STT3B: variants seen among roughly 807,000 people sequenced by gnomAD.
The protein encoded by STT3B is STT3 oligosaccharyltransferase complex catalytic subunit B, also known as dolichyl-diphosphooligosaccharide--protein glycosyltransferase subunit STT3B.
Under a neutral mutation model 96.8 loss-of-function variants are expected in STT3B, and 29 were observed. That is an observed-to-expected ratio of 0.30 (90% CI 0.22 to 0.41). The LOEUF is 0.41. STT3B is among the 10% of genes least tolerant of loss of function. STT3B has a pLI of 1.00. For synonymous variants in STT3B, 367 were observed against 360.0 expected (o/e 1.02, Z -0.22); for missense variants, 640 against 1,022.3 (o/e 0.63, Z 5.10).
At chr3:31,615,346 A>G (rs1361205981) in intron 6 of STT3B, 143 bp downstream of exon 6, 2 of 628,356 alleles carry the variant, frequency 3.2e-6, no homozygotes, top group African/African-American at 3.7e-5. Flanking sequence ...GGAAATCTGT[A>G]GATAAAAATT....
intron 5 of STT3B, among the ~76,000 whole-genome samples, chr3:31,611,294 T>A (rs1699174186): frequency 6.6e-6 from 1 of 152,196 alleles, no homozygotes; most frequent in Non-Finnish European, 1.5e-5. Flanking sequence ...TGGTTATTTG[T>A]TTACATCTCT....
At chr3:31,536,175 A>C (rs1189626597) in intron 1 of STT3B, among the ~76,000 whole-genome samples, 1 of 151,952 alleles carries the variant, frequency 6.6e-6, no homozygotes, top group African/African-American at 2.4e-5. Flanking sequence ...AAGGAGGGGG[A>C]TGTGTAGATT....
chr3:31,579,997 T>G lies in STT3B; in HGVS notation c.612T>G (p.Phe204Leu). ...GAGCAGGACTTTTAGCTGCTTGTTT[T>G]ATTGCTATTGTACCAGGCTACATAT... is the stretch of plus-strand genomic sequence containing the variant. ...NQGAGLLAAC[F>L]IAIVPGYISR... Residue 204 changes from phenylalanine to leucine, a missense_variant, in exon 3 of 16, where the codon TTT becomes TTG. Coordinates refer to ENST00000295770, the MANE Select transcript of STT3B (RefSeq NM_178862.3). 1 of 1,613,912 alleles carries G rather than the reference T, an allele frequency of 6.2e-7. No individual in the cohort carries two copies.
chr3:31,580,759 TGGA>T (rs1364768947), intron 3 of STT3B, among the ~76,000 whole-genome samples: 2 of 152,146 alleles, frequency 1.3e-5, no homozygotes, highest in Non-Finnish European at 2.9e-5. Flanking sequence ...CATGGAATTC[TGGA>T]GGAGAAGGTT....
In STT3B at chr3:31,532,933, C is replaced by T; in HGVS notation, c.-66C>T. 1.3e-6 allele frequency: 2 copies of T among 1,525,664 alleles called. No homozygotes were observed. The highest frequency in any genetic ancestry group is 1.8e-6 in the Non-Finnish European group (2 of 1,139,520). The allele number at this position is 1,525,664 out of a possible 1,614,324, so 94.5% of individuals were successfully genotyped here. A position where few individuals can be genotyped will look rare whatever the true frequency, so the allele number is the denominator to read the frequency against. ...TCCTCCTCCTCCTCCGGGTCCCCGC[C>T]CAGCACCCCTCGCACCAGGCGGCGG... is the stretch of plus-strand genomic sequence containing the variant. On this transcript the variant is annotated 5_prime_UTR_variant, in exon 1 of 16. Transcript: ENST00000295770.
intron 1 of STT3B, among the ~76,000 whole-genome samples, chr3:31,558,997 C>T (rs1697791503): frequency 6.7e-6 from 1 of 149,892 alleles, no homozygotes; most frequent in South Asian, 2.1e-4. Flanking sequence ...TTCTGTGGTA[C>T]TAATTTGTAG....
At chr3:31,598,401 C>G (rs1698842229) in intron 4 of STT3B, among the ~76,000 whole-genome samples, 1 of 150,046 alleles carries the variant, frequency 6.7e-6, no homozygotes, top group Admixed American at 6.6e-5. Context: ...GAACTTAGAA[C>G]AGAGAAATAA....
intron 14 of STT3B, among the ~76,000 whole-genome samples, chr3:31,631,743 C>A (rs1382420199): frequency 6.7e-6 from 1 of 150,102 alleles, no homozygotes; most frequent in Non-Finnish European, 1.5e-5. Flanking sequence ...CCCAGGAGTT[C>A]GAGACTAGCC....
rs1389905265 is a variant in STT3B, at chr3:31,587,230, T to G, written c.711+7134T>G. On this transcript the variant is annotated intron_variant, in intron 3 of 15. Coordinates refer to ENST00000295770, the MANE Select transcript of STT3B (RefSeq NM_178862.3). Reference sequence around the variant, plus strand: ...TTAGTATATTAACCAAGTTGTACCATTACCACTATCCAGTTACAGAACATT... The same window carrying G: ...TTAGTATATTAACCAAGTTGTACCAGTACCACTATCCAGTTACAGAACATT... Among the ~76,000 whole-genome samples the G allele has an allele frequency of 2.6e-5, 4 of 151,562 alleles. No homozygotes were observed. In the East Asian group the frequency reaches 7.8e-4, roughly 29 times the overall value.
intron 5 of STT3B, among the ~76,000 whole-genome samples, chr3:31,612,138 G>T (rs1699196622): frequency 6.6e-6 from 1 of 151,990 alleles, no homozygotes; most frequent in Non-Finnish European, 1.5e-5. Flanking sequence ...TACCAGTTTG[G>T]GTATGCTCAG....
At chr3:31,543,063 C>G (rs1157467757) in intron 1 of STT3B, among the ~76,000 whole-genome samples, 8 of 30,160 alleles carry the variant, frequency 2.7e-4, no homozygotes, top group African/African-American at 6.3e-4. Flanking sequence ...GAGACTCCAT[C>G]TCACAAAAAA....
In STT3B at chr3:31,624,986, A is replaced by C; in HGVS notation, c.1800A>C (p.Arg600=). 6.2e-7 allele frequency: 1 copy of C among 1,613,874 alleles called. No individual in the cohort carries two copies. The highest frequency in any genetic ancestry group is 8.5e-7 in the Non-Finnish European group (1 of 1,179,832). The part of the protein sequence containing the change: ...WLRQNTDEHA[R]VMSWWDYGYQ... ...GGCAAAATACAGATGAACATGCACG[A>C]GTAATGTCTTGGTGGGATTATGGCT... The change falls in exon 12 of 16, where the codon CGA becomes CGC. Residue 600 remains arginine, a synonymous_variant. Coordinates refer to ENST00000295770, the MANE Select transcript of STT3B (RefSeq NM_178862.3).
rs567344633 is a variant in STT3B at position 31,534,733 on chromosome 3, C to A, written c.314+1421C>A. Among the ~76,000 whole-genome samples the A allele has an allele frequency of 8.5e-5, 13 of 152,292 alleles. No homozygotes were observed. In the South Asian group the frequency reaches 1.9e-3, roughly 22 times the overall value. On this transcript the variant is annotated intron_variant, in intron 1 of 15. Coordinates refer to ENST00000295770, the MANE Select transcript of STT3B (RefSeq NM_178862.3). ...CACTCATGGACAATTCAATTTAGAT[C>A]AGTTAATTACTGTGACAGTCTTCCA... is the stretch of plus-strand genomic sequence containing the variant.
In STT3B at chr3:31,533,011, TCGG is replaced by T. The variant is rs1390319346; in HGVS notation, c.15_17del (p.Ala6del). 13 of 1,588,900 alleles carry T rather than the reference TCGG, an allele frequency of 8.2e-6. No individual in the cohort carries two copies. The Admixed American group carries it at 1.5e-4, about 19-fold the overall frequency. On this transcript the variant is annotated inframe_deletion, in exon 1 of 16. Transcript: ENST00000295770. ...GCCGGGGCACAACATGGCGGAGCCCTCGGCCCCGGAGAGCAAGCACAAGTCGTC... is the reference window on the plus strand; with the variant it reads ...GCCGGGGCACAACATGGCGGAGCCCTCCCCGGAGAGCAAGCACAAGTCGTC...
rs1358163514 is a variant in STT3B, at chr3:31,636,019, G to T, written c.2436G>T (p.Lys812Asn). The T allele has an allele frequency of 1.9e-6, 3 of 1,609,514 alleles. No individual in the cohort carries two copies. The highest frequency in any genetic ancestry group is 2.5e-6 in the Non-Finnish European group (3 of 1,177,970). ...TKRKRGYIKN[K>N]LVFKKGKKIS... The stretch of plus-strand genomic sequence containing the variant: ...GGAAGCGTGGCTACATTAAAAATAA[G>T]CTGGTTTTTAAGAAAGGCAAGAAAA... The change falls in exon 16 of 16, where the codon AAG (lysine) becomes AAT (asparagine). Residue 812 changes from lysine to asparagine, a missense_variant. Lys to Asn is a moderately conservative substitution (Grantham distance 94, BLOSUM62 0). This residue lies in a region of STT3B where 51 missense variants were observed against 64.2 expected (regional missense o/e 0.79). Transcript: ENST00000295770.
intron 4 of STT3B, among the ~76,000 whole-genome samples, chr3:31,599,813 G>A (rs1477675699): frequency 6.6e-6 from 1 of 152,074 alleles, no homozygotes; most frequent in Non-Finnish European, 1.5e-5. Flanking sequence ...ATTAAAATGG[G>A]ATCTTGCTTT....
chr3:31,574,045 G>T (rs1698213135), intron 1 of STT3B, among the ~76,000 whole-genome samples: 1 of 152,126 alleles, frequency 6.6e-6, no homozygotes, highest in Admixed American at 6.6e-5. Context: ...TATGAGGTTG[G>T]ACTCTCATGG....
chr3:31,535,842 C>T (rs1353559518), intron 1 of STT3B, among the ~76,000 whole-genome samples: 2 of 152,158 alleles, frequency 1.3e-5, no homozygotes, highest in African/African-American at 2.4e-5. Flanking sequence ...TAAAGAGCTA[C>T]TTAATTTAGG....
At chr3:31,571,001 A>G (rs966706287) in intron 1 of STT3B, among the ~76,000 whole-genome samples, 4 of 152,184 alleles carry the variant, frequency 2.6e-5, no homozygotes, top group African/African-American at 9.6e-5. Context: ...GTAACTGGGC[A>G]GTCCAGGCCC....
Sources: gnomAD v4.1 joint callset for allele counts (sites outside exome capture counted in the v4.1 genomes callset) on GRCh38, gnomAD v4.1.1 for gene constraint, gnomAD v4.1.1 regional missense constraint, MANE v1.5 for transcripts, NCBI Gene and HGNC (gene_info 2026-07-23, HGNC 2026-07-21) for gene names.